USP25: variants seen among roughly 807,000 people sequenced by gnomAD.
USP25 encodes ubiquitin carboxyl-terminal hydrolase 25.
A neutral mutation model predicts 158.5 loss-of-function variants in USP25; 85 were observed. The observed-to-expected ratio is 0.54, with a 90% CI of 0.45 to 0.64. The LOEUF is 0.64. USP25 is among the 30% of genes least tolerant of loss of function. The probability of loss-of-function intolerance (pLI) is 0.00; values close to 1 mark genes in which losing one functional copy is unlikely to be tolerated. For synonymous variants in USP25, 464 were observed against 460.4 expected (o/e 1.01, Z -0.10); for missense variants, 1,242 against 1,327.3 (o/e 0.94, Z 1.00).
intron 17 of USP25, among the ~76,000 whole-genome samples, chr21:15,838,503 C>T (rs1156479431): frequency 6.6e-6 from 1 of 152,002 alleles, no homozygotes; most frequent in Admixed American, 6.6e-5. Flanking sequence ...AACCTCTCTC[C>T]CCCACACCCC....
chr21:15,862,967 A>G (rs963859564), intron 20 of USP25, among the ~76,000 whole-genome samples: 3 of 152,010 alleles, frequency 2.0e-5, no homozygotes, highest in African/African-American at 4.8e-5. Flanking sequence ...TAGACGTCAA[A>G]GAATTACTTA....
chr21:15,758,949 A>G (rs982484565), intron 1 of USP25, among the ~76,000 whole-genome samples: 25 of 152,174 alleles, frequency 1.6e-4, no homozygotes, highest in African/African-American at 5.8e-4. Context: ...TTGGGTGGGG[A>G]CACAGCCATT....
In USP25 at chr21:15,783,208, GA is replaced by G. The variant is rs59237764; in HGVS notation, c.392+5193del. On this transcript the variant is annotated intron_variant, in intron 4 of 25. Transcript: ENST00000400183. ...GTTTGAAATAACCCATTCAGAAGAA[GA>G]AAAAAAAAAAAGAATAACAAAGTAT... is the stretch of plus-strand genomic sequence containing the variant. Among the ~76,000 whole-genome samples, 224 of 141,950 alleles carry G rather than the reference GA, an allele frequency of 1.6e-3. 1 individual carries two copies. Among genetic ancestry groups the G allele is most frequent in the African/African-American group, 2.6e-3 (102 of 38,880 alleles). 93.1% of individuals were successfully genotyped at this position (141,950 alleles called of 152,430 possible). A position where few individuals can be genotyped will look rare whatever the true frequency, so the allele number is the denominator to read the frequency against.
intron 20 of USP25, among the ~76,000 whole-genome samples, chr21:15,853,316 CAT>C (rs773155170): frequency 7.9e-5 from 12 of 151,864 alleles, no homozygotes; most frequent in Admixed American, 6.6e-5. Context: ...CAGGTACACA[CAT>C]GTACACGCAC....
chr21:15,742,028 A>G (rs181328127), intron 1 of USP25, among the ~76,000 whole-genome samples: 2 of 152,350 alleles, frequency 1.3e-5, no homozygotes, highest in Non-Finnish European at 2.9e-5. Context: ...GTTTGAAAAG[A>G]ACATAGTGCA....
chr21:15,838,414 T>C (rs2038164729), intron 17 of USP25, among the ~76,000 whole-genome samples: 2 of 151,892 alleles, frequency 1.3e-5, no homozygotes, highest in Non-Finnish European at 2.9e-5. Flanking sequence ...AGTCACACAA[T>C]AAGGAGGCAG....
At chr21:15,854,792 C>G (rs1229304451) in intron 20 of USP25, among the ~76,000 whole-genome samples, 1 of 151,992 alleles carries the variant, frequency 6.6e-6, no homozygotes, top group African/African-American at 2.4e-5. Context: ...GAACGTCTAC[C>G]CAATAAGAAT....
chr21:15,829,087 C>G (rs990963408), intron 14 of USP25, among the ~76,000 whole-genome samples: 4 of 152,028 alleles, frequency 2.6e-5, no homozygotes, highest in Admixed American at 2.6e-4. Context: ...TGATGTAATT[C>G]ATTTAATTCC....
chr21:15,849,792 A>C lies in USP25; in HGVS notation c.2467A>C (p.Asn823His), dbSNP rs1174616857. 6.5e-7 allele frequency: 1 copy of C among 1,538,222 alleles called. No individual in the cohort carries two copies. The highest frequency in any genetic ancestry group is 1.2e-5 in the South Asian group (1 of 81,224). Residue 823 changes from asparagine to histidine, a missense_variant, in exon 20 of 26, where the codon AAC (asparagine) becomes CAC (histidine). Asn to His is a moderately conservative substitution (Grantham distance 68). Around this residue, in one of 3 missense-constraint regions of USP25, gnomAD observed 608 missense variants for 605.2 expected, o/e 1.00. Coordinates refer to ENST00000400183, the MANE Select transcript of USP25 (RefSeq NM_001283041.3). ...GYDDEIMMTP[N>H]MQGIIMAIGK... The stretch of plus-strand genomic sequence containing the variant: ...TCTGTGGCAGATCATGATGACACCG[A>C]ACATGCAAGGTATTATCATGGCGAT...
chr21:15,839,143 T>G (rs1358365593), intron 17 of USP25, among the ~76,000 whole-genome samples: 1 of 152,146 alleles, frequency 6.6e-6, no homozygotes, highest in Non-Finnish European at 1.5e-5. Flanking sequence ...ATGAGTGCAT[T>G]TAAATTTTTT....
intron 1 of USP25, among the ~76,000 whole-genome samples, chr21:15,758,166 C>T (rs2033506076): frequency 6.6e-6 from 1 of 152,176 alleles, no homozygotes; most frequent in African/African-American, 2.4e-5. Context: ...TCATTATTAG[C>T]AAACTCATGG....
At chr21:15,733,426 T>C (rs1253024620) in intron 1 of USP25, among the ~76,000 whole-genome samples, 1 of 152,082 alleles carries the variant, frequency 6.6e-6, no homozygotes. Flanking sequence ...AATCTTGGAA[T>C]TTAAAAATTA....
intron 1 of USP25, among the ~76,000 whole-genome samples, chr21:15,757,256 C>T (rs2033441357): frequency 6.6e-6 from 1 of 152,104 alleles, no homozygotes; most frequent in East Asian, 1.9e-4. Context: ...TCATTGCTCA[C>T]CTCTTCCCAT....
chr21:15,834,665 TACTTA>T (rs1252864736), intron 17 of USP25, among the ~76,000 whole-genome samples: 10 of 152,240 alleles, frequency 6.6e-5, no homozygotes, highest in African/African-American at 2.2e-4. Context: ...TCTGTCCAGA[TACTTA>T]ACTTATTTTC....
chr21:15,829,016 A>G (rs1186796699), intron 14 of USP25, among the ~76,000 whole-genome samples: 1 of 152,174 alleles, frequency 6.6e-6, no homozygotes, highest in Non-Finnish European at 1.5e-5. Flanking sequence ...TTTCATCCAT[A>G]TTGATGTTAG....
intron 17 of USP25, among the ~76,000 whole-genome samples, chr21:15,835,260 A>C (rs1373542413): frequency 6.6e-6 from 1 of 152,164 alleles, no homozygotes; most frequent in Non-Finnish European, 1.5e-5. Flanking sequence ...ATATTTTGTG[A>C]TACCAAAATA....
chr21:15,878,084 A>G, intron 25 of USP25, 93 bp downstream of exon 25: 1 of 1,090,826 alleles, frequency 9.2e-7, no homozygotes, highest in South Asian at 1.8e-5. Context: ...TTTTATATTA[A>G]ATACAATATT....
At chr21:15,746,252 G>T (rs574541569) in intron 1 of USP25, among the ~76,000 whole-genome samples, 4 of 152,300 alleles carry the variant, frequency 2.6e-5, no homozygotes, top group East Asian at 1.9e-4. Context: ...GTAGGATTGT[G>T]TTGGATGTAT....
chr21:15,773,638 C>T (rs2034481314), intron 3 of USP25, among the ~76,000 whole-genome samples: 1 of 152,124 alleles, frequency 6.6e-6, no homozygotes, highest in Non-Finnish European at 1.5e-5. Flanking sequence ...AAAAACATGT[C>T]TAAGAACATG....
Sources: allele counts gnomAD v4.1 joint callset (sites outside exome capture counted in the v4.1 genomes callset), GRCh38; gene constraint gnomAD v4.1.1; regional missense constraint gnomAD v4.1.1; transcripts MANE v1.5; gene names NCBI Gene and HGNC (gene_info 2026-07-23, HGNC 2026-07-21).